OPCML: variants seen among roughly 807,000 people sequenced by gnomAD.
OPCML encodes the protein opioid-binding protein/cell adhesion molecule.
Under a neutral mutation model 37.8 loss-of-function variants are expected in OPCML, and 13 were observed. That is an observed-to-expected ratio of 0.34 (90% confidence interval 0.22 to 0.55). The LOEUF is 0.55. OPCML is among the 20% of genes least tolerant of loss of function. The probability of loss-of-function intolerance (pLI) is 0.91; values close to 1 mark genes in which losing one functional copy is unlikely to be tolerated. For missense variants in OPCML, 341 were observed against 435.6 expected (o/e 0.78, Z 1.93); for synonymous variants, 176 against 168.8 (o/e 1.04, Z -0.33).
intron 1 of OPCML, among the ~76,000 whole-genome samples, chr11:133,188,031 T>C (rs1289947852): frequency 6.6e-6 from 1 of 152,220 alleles, no homozygotes; most frequent in Non-Finnish European, 1.5e-5. Flanking sequence ...TTTGAAGCCT[T>C]CTGTCCAAGC....
intron 1 of OPCML, among the ~76,000 whole-genome samples, chr11:132,973,086 A>G (rs1946378092): frequency 6.6e-6 from 1 of 152,008 alleles, no homozygotes; most frequent in African/African-American, 2.4e-5. Context: ...TTTTTAATCA[A>G]CTTTTGTGCT....
At chr11:133,330,594 C>A (rs1394529739) in intron 1 of OPCML, among the ~76,000 whole-genome samples, 2 of 151,364 alleles carry the variant, frequency 1.3e-5, no homozygotes, top group South Asian at 2.1e-4. Context: ...GGACAAAAAA[C>A]CAAACACCAG....
intron 2 of OPCML, among the ~76,000 whole-genome samples, chr11:132,918,842 T>C (rs894201613): frequency 6.6e-6 from 1 of 152,094 alleles, no homozygotes; most frequent in Non-Finnish European, 1.5e-5. Flanking sequence ...CCTTATGAAA[T>C]AGGAAAGCTG....
rs143056090 is a variant in OPCML, at chr11:133,367,453, G to A, written c.61+164811C>T. On this transcript the variant is annotated intron_variant, in intron 1 of 7. Coordinates refer to ENST00000524381, the MANE Select transcript of OPCML (RefSeq NM_001012393.5). ...GGAATGGAAAAATGGTCCCAGCATC[G>A]GATCTGCATGTACTTTTGGCTCTTT... Among the ~76,000 whole-genome samples the A allele has an allele frequency of 3.3e-3, 501 of 152,266 alleles. 2 individuals are homozygous for A. The highest frequency in any genetic ancestry group is 0.01 in the African/African-American group (432 of 41,554).
intron 4 of OPCML, among the ~76,000 whole-genome samples, chr11:132,480,447 A>G (rs2096175635): frequency 6.6e-6 from 1 of 152,248 alleles, no homozygotes; most frequent in South Asian, 2.1e-4. Context: ...AACACTATGC[A>G]GGATATTCTC....
chr11:132,489,244 T>A, intron 4 of OPCML, among the ~76,000 whole-genome samples: 1 of 152,232 alleles, frequency 6.6e-6, no homozygotes, highest in East Asian at 1.9e-4. Flanking sequence ...CACCTCCACA[T>A]CCCGCCCCGC....
chr11:133,295,163 G>C (rs566747976), intron 1 of OPCML, among the ~76,000 whole-genome samples: 207 of 152,088 alleles, frequency 1.4e-3, no homozygotes, highest in Admixed American at 1.8e-3. Context: ...TTTCACTAGG[G>C]GGATATTTTC....
At chr11:133,327,791 G>A (rs3923850) in intron 1 of OPCML, among the ~76,000 whole-genome samples, 24,296 of 152,050 alleles carry the variant, frequency 0.16, 2,947 homozygotes, top group African/African-American at 0.34. Flanking sequence ...AGCAGAGTTC[G>A]GGGACCCTGG....
chr11:133,399,612 C>G (rs1245556097), intron 1 of OPCML, among the ~76,000 whole-genome samples: 2 of 152,054 alleles, frequency 1.3e-5, no homozygotes, highest in South Asian at 2.1e-4. Flanking sequence ...ACACATACCC[C>G]CTCTATCCAC....
In OPCML at chr11:132,609,082, C is replaced by T. The variant is rs552812108; in HGVS notation, c.379+48005G>A. 4.6e-5 allele frequency among the ~76,000 whole-genome samples: 7 copies of T among 151,854 alleles called. No homozygotes were observed. The East Asian group carries it at 9.7e-4, about 21-fold the overall frequency. On this transcript the variant is annotated intron_variant, in intron 3 of 7. Coordinates refer to ENST00000524381, the MANE Select transcript of OPCML (RefSeq NM_001012393.5). The stretch of plus-strand genomic sequence containing the variant: ...TGTGAGAGTGACTTTTTTAATACAC[C>T]GAGAACTGACCCATCACTTCTTTAA...
At chr11:132,744,596 A>G (rs1433014426) in intron 2 of OPCML, among the ~76,000 whole-genome samples, 1 of 152,260 alleles carries the variant, frequency 6.6e-6, no homozygotes, top group Non-Finnish European at 1.5e-5. Flanking sequence ...GTTATTGAGG[A>G]AAGAACAGTG....
intron 1 of OPCML, among the ~76,000 whole-genome samples, chr11:133,060,559 G>A (rs542183362): frequency 6.6e-6 from 1 of 152,354 alleles, no homozygotes; most frequent in South Asian, 2.1e-4. Flanking sequence ...TGCAGGCAGG[G>A]TGTGGAGGGG....
At chr11:133,337,073 G>T (rs921035912) in intron 1 of OPCML, among the ~76,000 whole-genome samples, 4 of 152,190 alleles carry the variant, frequency 2.6e-5, no homozygotes, top group Non-Finnish European at 4.4e-5. Context: ...AAAGAGAAGC[G>T]CGCAACCCCT....
chr11:133,364,291 C>A (rs1944491268), intron 1 of OPCML, among the ~76,000 whole-genome samples: 1 of 152,176 alleles, frequency 6.6e-6, no homozygotes, highest in Non-Finnish European at 1.5e-5. Flanking sequence ...TTACTAAATT[C>A]TAGCTGATGA....
rs61912373 is a variant in OPCML, at chr11:133,282,844, T to G, written c.61+249420A>C. On this transcript the variant is annotated intron_variant, in intron 1 of 7. Transcript: ENST00000524381. ...TATGGGACATGGAGTCAAAGGAGATTATATTGGATCTTTAAGGTGTAATGG... is the reference window on the plus strand; with the variant it reads ...TATGGGACATGGAGTCAAAGGAGATGATATTGGATCTTTAAGGTGTAATGG... 3.6e-3 allele frequency among the ~76,000 whole-genome samples: 550 copies of G among 152,288 alleles called. 3 individuals are homozygous for G. The highest frequency in any genetic ancestry group is 5.4e-3 in the Non-Finnish European group (368 of 68,012).
At chr11:133,500,157 A>T (rs183518623) in intron 1 of OPCML, among the ~76,000 whole-genome samples, 1 of 152,280 alleles carries the variant, frequency 6.6e-6, no homozygotes, top group East Asian at 1.9e-4. Flanking sequence ...GGCGTGAGCC[A>T]CCGCACCTGG....
At chr11:132,422,220 A>G (rs1479382144) in intron 7 of OPCML, among the ~76,000 whole-genome samples, 1 of 152,206 alleles carries the variant, frequency 6.6e-6, no homozygotes, top group Admixed American at 6.5e-5. Flanking sequence ...TCTTGAGTAT[A>G]GGAGTCATTC....
In OPCML at chr11:133,524,353, C is replaced by T. The variant is rs150071521; in HGVS notation, c.61+7911G>A. On this transcript the variant is annotated intron_variant, in intron 1 of 7. Transcript: ENST00000524381. Reference sequence around the variant, plus strand: ...TACCTTTTCCATATGAACATCAACCCGTTTAAGCATTGATTGACCATTCAT... The same window carrying T: ...TACCTTTTCCATATGAACATCAACCTGTTTAAGCATTGATTGACCATTCAT... 3.8e-3 allele frequency among the ~76,000 whole-genome samples: 582 copies of T among 152,284 alleles called. 1 individual carries two copies. Among genetic ancestry groups the T allele is most frequent in the Non-Finnish European group, 6.5e-3 (442 of 68,020 alleles).
chr11:132,510,573 GA>G (rs59664096), intron 4 of OPCML, among the ~76,000 whole-genome samples: 37,030 of 152,008 alleles, frequency 0.24, 4,578 homozygotes, highest in African/African-American at 0.28. Flanking sequence ...TTTTGATAGT[GA>G]TATTAAGTCT....
Sources: allele counts gnomAD v4.1 joint callset (sites outside exome capture counted in the v4.1 genomes callset), GRCh38; gene constraint gnomAD v4.1.1; transcripts MANE v1.5; gene names NCBI Gene and HGNC (gene_info 2026-07-23, HGNC 2026-07-21).